The following CERT1 variants were observed in gnomAD, a reference collection of about 807,000 sequenced individuals.
The protein encoded by CERT1 is ceramide transfer protein.
A neutral mutation model predicts 87.9 loss-of-function variants in CERT1; 31 were observed. The ratio of observed to expected loss-of-function variants is 0.35; its 90% CI spans 0.27 to 0.48. The LOEUF (loss-of-function observed/expected upper bound fraction) is 0.48. Ranked by LOEUF, CERT1 falls within the 20% of genes least tolerant of loss-of-function variation. CERT1 has a pLI of 0.99. For missense variants in CERT1, 487 were observed against 758.0 expected (o/e 0.64, Z 4.20); for synonymous variants, 289 against 250.9 (o/e 1.15, Z -1.44).
intron 7 of CERT1, among the ~76,000 whole-genome samples, chr5:75,412,939 G>A (rs1187827589): frequency 6.6e-6 from 1 of 152,110 alleles, no homozygotes; most frequent in East Asian, 1.9e-4. Context: ...TTAGCTTACT[G>A]TAACTTTTAC....
chr5:75,496,744 G>A (rs1580855654), intron 2 of CERT1, among the ~76,000 whole-genome samples: 1 of 152,318 alleles, frequency 6.6e-6, no homozygotes, highest in East Asian at 1.9e-4. Flanking sequence ...ATGATTCCAT[G>A]TATATAATAT....
In CERT1 at chr5:75,469,505, G is replaced by A. The variant is rs1486968240; in HGVS notation, c.232-10324C>T. 5.9e-5 allele frequency among the ~76,000 whole-genome samples: 9 copies of A among 152,028 alleles called. 1 individual carries two copies. The highest frequency in any genetic ancestry group is 5.9e-4 in the Admixed American group (9 of 15,282). ...AAAATTCAAAACACTGAGGGACAGTGTAGTAAAAAGAGTTTATTTTTAGGT... is the reference window on the plus strand; with the variant it reads ...AAAATTCAAAACACTGAGGGACAGTATAGTAAAAAGAGTTTATTTTTAGGT... On this transcript the variant is annotated intron_variant, in intron 2 of 16. Coordinates refer to ENST00000643780, the MANE Select transcript of CERT1 (RefSeq NM_001379029.1).
chr5:75,392,703 C>T lies in CERT1; in HGVS notation c.1189-3016G>A, dbSNP rs1370486794. ...AGAAGTGGGAGGCCAGGTGCGGTGG[C>T]TCACGCCTGTAATCCCAGCACTTTG... On this transcript the variant is annotated intron_variant, in intron 11 of 16. Coordinates refer to ENST00000643780, the MANE Select transcript of CERT1 (RefSeq NM_001379029.1). 3.3e-5 allele frequency among the ~76,000 whole-genome samples: 5 copies of T among 152,138 alleles called. No individual in the cohort carries two copies. The East Asian group carries it at 9.7e-4, about 29-fold the overall frequency.
intron 7 of CERT1, among the ~76,000 whole-genome samples, chr5:75,412,164 A>G (rs890383956): frequency 6.6e-6 from 1 of 152,198 alleles, no homozygotes; most frequent in East Asian, 1.9e-4. Flanking sequence ...ATAGTCATAC[A>G]TGGCTTTTTT....
chr5:75,381,289 G>A (rs1056663478), intron 15 of CERT1, 88 bp from the exon 16 acceptor site: 19 of 1,437,318 alleles, frequency 1.3e-5, no homozygotes, highest in Middle Eastern at 1.8e-4. Context: ...AACCAAAATC[G>A]TAACTCTTAA....
intron 2 of CERT1, among the ~76,000 whole-genome samples, chr5:75,502,990 T>C (rs1468980095): frequency 1.3e-5 from 2 of 152,054 alleles, no homozygotes; most frequent in Non-Finnish European, 2.9e-5. Context: ...GGGAATACTA[T>C]TTTTCCTCTC....
chr5:75,470,773 G>C (rs1229072411), intron 2 of CERT1, among the ~76,000 whole-genome samples: 1 of 152,038 alleles, frequency 6.6e-6, no homozygotes, highest in Non-Finnish European at 1.5e-5. Context: ...AATTAGGCAA[G>C]ACAAAAGAAA....
At chr5:75,388,269 C>T (rs547776723) in intron 12 of CERT1, among the ~76,000 whole-genome samples, 1 of 151,994 alleles carries the variant, frequency 6.6e-6, no homozygotes, top group Admixed American at 6.6e-5. Flanking sequence ...TACTTTGTTC[C>T]TTATTCAAGG....
chr5:75,482,387 A>G (rs544940777), intron 2 of CERT1, among the ~76,000 whole-genome samples: 18 of 152,252 alleles, frequency 1.2e-4, no homozygotes, highest in African/African-American at 3.6e-4. Flanking sequence ...GCCCCAGTAA[A>G]ATAGAGCACC....
rs555305256 is a variant in CERT1 at position 75,449,859 on chromosome 5, T to C, written c.348+9206A>G. 9.2e-5 allele frequency among the ~76,000 whole-genome samples: 14 copies of C among 152,342 alleles called. No individual in the cohort carries two copies. The South Asian group carries it at 2.9e-3, about 32-fold the overall frequency. On this transcript the variant is annotated intron_variant, in intron 3 of 16. Transcript: ENST00000643780. ...ATTATGAAGCAGCAGTCAAATCTTC[T>C]GGCTTTTCCCCCCTTAAATGAACTT...
chr5:75,481,987 T>C (rs1766268848), intron 2 of CERT1, among the ~76,000 whole-genome samples: 1 of 152,220 alleles, frequency 6.6e-6, no homozygotes, highest in Non-Finnish European at 1.5e-5. Context: ...GTTACCGGAA[T>C]GTTACAGGAC....
chr5:75,411,855 G>A (rs1318433246), intron 7 of CERT1, among the ~76,000 whole-genome samples: 1 of 152,130 alleles, frequency 6.6e-6, no homozygotes, highest in African/African-American at 2.4e-5. Context: ...TCAGTAGGTG[G>A]GATCAATGAA....
intron 3 of CERT1, 26 bp from the exon 4 acceptor site, chr5:75,426,504 A>G (rs779036958): frequency 6.0e-6 from 9 of 1,489,832 alleles, no homozygotes; most frequent in Non-Finnish European, 8.4e-6. Context: ...AACTATGTGA[A>G]AAGAATTTAA....
chr5:75,403,644 T>C (rs1173565239), intron 8 of CERT1, among the ~76,000 whole-genome samples: 2 of 152,210 alleles, frequency 1.3e-5, no homozygotes, highest in Admixed American at 6.5e-5. Flanking sequence ...CAGAGGCGGA[T>C]CTTCCTAAGC....
downstream of CERT1, chr5:75,372,899 C>T (rs1761135083): frequency 1.3e-5 from 2 of 152,154 alleles, no homozygotes; most frequent in Non-Finnish European, 2.9e-5. Context: ...TACAAAATGC[C>T]TCTGATTTGT....
At chr5:75,431,503 G>C (rs1490325734) in intron 3 of CERT1, among the ~76,000 whole-genome samples, 1 of 152,166 alleles carries the variant, frequency 6.6e-6, no homozygotes, top group Admixed American at 6.5e-5. Flanking sequence ...GCTCTGTCAT[G>C]GCAGGAACTG....
At chr5:75,500,296 T>A (rs1254441824) in intron 2 of CERT1, among the ~76,000 whole-genome samples, 1 of 152,216 alleles carries the variant, frequency 6.6e-6, no homozygotes, top group African/African-American at 2.4e-5. Context: ...TACTTTCTTA[T>A]GGCAACCCTA....
chr5:75,470,363 G>A (rs62366599), intron 2 of CERT1, among the ~76,000 whole-genome samples: 140 of 152,132 alleles, frequency 9.2e-4, no homozygotes, highest in Non-Finnish European at 1.9e-3. Flanking sequence ...GACCACAATG[G>A]TATAAAACTA....
intron 15 of CERT1, among the ~76,000 whole-genome samples, chr5:75,381,580 G>A (rs1761587732): frequency 6.6e-6 from 1 of 151,856 alleles, no homozygotes. Flanking sequence ...TGTTGCCCAG[G>A]ATCCCTTCCT....
Sources: gnomAD v4.1 joint callset for allele counts (sites outside exome capture counted in the v4.1 genomes callset) on GRCh38, gnomAD v4.1.1 for gene constraint, MANE v1.5 for transcripts, NCBI Gene and HGNC (gene_info 2026-07-23, HGNC 2026-07-21) for gene names.